Variants in MTRF1 observed in about 807,000 individuals in gnomAD.
MTRF1 encodes mitochondrial translation release factor 1.
MTRF1 carries 51 observed loss-of-function variants against 62.9 expected under a neutral mutation model. That is an observed-to-expected ratio of 0.81 (90% CI 0.65 to 1.02). The LOEUF (loss-of-function observed/expected upper bound fraction) is 1.02. Among genes scored for constraint, MTRF1 ranks in the 50% least tolerant of loss-of-function variants. The pLI is 0.00. For synonymous variants in MTRF1, 158 were observed against 181.9 expected (o/e 0.87, Z 1.06); for missense variants, 446 against 530.0 (o/e 0.84, Z 1.56).
chr13:41,231,434 A>T (rs550501071), intron 7 of MTRF1, among the ~76,000 whole-genome samples: 60 of 152,342 alleles, frequency 3.9e-4, no homozygotes, highest in African/African-American at 1.4e-3. Flanking sequence ...GGGACTAGTT[A>T]TAAGGGAGGG....
chr13:41,226,049 T>C (rs2034368326), intron 8 of MTRF1, among the ~76,000 whole-genome samples: 1 of 152,158 alleles, frequency 6.6e-6, no homozygotes, highest in South Asian at 2.1e-4. Context: ...TGCAGTGCCA[T>C]TTGTATTTGA....
the MTRF1 span, among the ~76,000 whole-genome samples, chr13:41,300,548 T>G: frequency 6.8e-6 from 1 of 147,948 alleles, no homozygotes; most frequent in Non-Finnish European, 1.5e-5. Context: ...ATCCGGCCAC[T>G]GCACTCCAGC....
At chr13:41,296,351 G>A in the MTRF1 span, among the ~76,000 whole-genome samples, 2 of 152,184 alleles carry the variant, frequency 1.3e-5, no homozygotes, top group Non-Finnish European at 2.9e-5. Flanking sequence ...TGGGATTGCT[G>A]TCCTGAGCCA....
chr13:41,273,200 C>T, the MTRF1 span, among the ~76,000 whole-genome samples: 2 of 152,042 alleles, frequency 1.3e-5, no homozygotes, highest in South Asian at 2.1e-4. Context: ...GTGGTGGGCG[C>T]CTGTAGTCCC....
intron 6 of MTRF1, chr13:41,236,534 T>A (rs751711300): frequency 9.2e-5 from 14 of 152,240 alleles, no homozygotes; most frequent in Non-Finnish European, 1.6e-4. Flanking sequence ...AGTAACTGGG[T>A]CAAGGCTGGA....
At chr13:41,235,733 G>C (rs944795127) in intron 6 of MTRF1, 1 of 156,440 alleles carries the variant, frequency 6.4e-6, no homozygotes, top group East Asian at 1.9e-4. Context: ...CCTTGATTTT[G>C]GACTTCTGGC....
In MTRF1 at chr13:41,216,971, G is replaced by A. The variant is rs1196292839; in HGVS notation, c.*144C>T. On this transcript the variant is annotated 3_prime_UTR_variant, in exon 10 of 10. Transcript: ENST00000379480. Reference sequence around the variant, plus strand: ...TTCTTAGGTCAGGAAATGTGACTTCGATTAATTACAAAACATATATTTATG... The same window carrying A: ...TTCTTAGGTCAGGAAATGTGACTTCAATTAATTACAAAACATATATTTATG... 4.5e-5 allele frequency: 21 copies of A among 463,358 alleles called. No individual in the cohort carries two copies. Among genetic ancestry groups the A allele is most frequent in the Non-Finnish European group, 5.7e-5 (15 of 263,508 alleles). The allele number at this position is 463,358 out of a possible 1,614,324, so 28.7% of individuals were successfully genotyped here.
At chr13:41,237,345 A>G (rs958687850) in intron 6 of MTRF1, among the ~76,000 whole-genome samples, 9 of 152,090 alleles carry the variant, frequency 5.9e-5, no homozygotes, top group African/African-American at 2.2e-4. Flanking sequence ...AATGTTTAAT[A>G]TATAAAAATA....
intron 9 of MTRF1, among the ~76,000 whole-genome samples, chr13:41,222,078 T>C (rs2033484540): frequency 6.6e-6 from 1 of 152,146 alleles, no homozygotes; most frequent in Admixed American, 6.5e-5. Flanking sequence ...ATTTCCCTTG[T>C]AAAACTAGGA....
intron 3 of MTRF1, 139 bp from the exon 4 acceptor site, chr13:41,253,169 C>CTA: frequency 1.6e-6 from 1 of 622,154 alleles, no homozygotes; most frequent in Non-Finnish European, 2.8e-6. Flanking sequence ...TCCAAAAATG[C>CTA]TATAATAAGT....
chr13:41,311,696 C>G, the MTRF1 span: 3 of 978,920 alleles, frequency 3.1e-6, no homozygotes, highest in Non-Finnish European at 4.6e-6. Context: ...CTGCCCACCG[C>G]TCTTTGTTTA....
intron 7 of MTRF1, among the ~76,000 whole-genome samples, chr13:41,230,726 CTT>C (rs571291052): frequency 2.8e-5 from 4 of 144,424 alleles, no homozygotes; most frequent in Admixed American, 6.9e-5. Context: ...GATGGTTTCC[CTT>C]TTTTTTTTTT....
the MTRF1 span, chr13:41,311,324 C>A: frequency 7.0e-6 from 4 of 569,940 alleles, no homozygotes; most frequent in Non-Finnish European, 1.2e-5. Context: ...CCAGGGGAAG[C>A]GTGTCCTGCT....
chr13:41,311,294 C>T, the MTRF1 span: 3 of 546,494 alleles, frequency 5.5e-6, no homozygotes, highest in Non-Finnish European at 9.6e-6. Context: ...CCGCCGCCGC[C>T]GCTGGCCAAA....
chr13:41,259,687 GCGAGACTC>G (rs1413233781), intron 2 of MTRF1, among the ~76,000 whole-genome samples: 1 of 26,156 alleles, frequency 3.8e-5, no homozygotes, highest in Non-Finnish European at 9.4e-5. Context: ...GGGCGACAGA[GCGAGACTC>G]CGTCTCAAAA....
chr13:41,229,769 T>C (rs1722991757), intron 7 of MTRF1: 1 of 152,142 alleles, frequency 6.6e-6, no homozygotes, highest in African/African-American at 2.4e-5. Context: ...ATTCAACAAT[T>C]TATGGACTGT....
At chr13:41,225,085 G>A (rs1023807526) in intron 8 of MTRF1, among the ~76,000 whole-genome samples, 2 of 151,778 alleles carry the variant, frequency 1.3e-5, no homozygotes, top group Non-Finnish European at 2.9e-5. Flanking sequence ...GGTGGTGCAT[G>A]TCTGTAATCC....
chr13:41,258,564 A>G (rs2040010161), intron 2 of MTRF1, among the ~76,000 whole-genome samples: 1 of 82,832 alleles, frequency 1.2e-5, no homozygotes, highest in Non-Finnish European at 2.5e-5. Flanking sequence ...ACCATCTCTT[A>G]AAAAAAAAAA....
chr13:41,254,133 C>T (rs532469534), intron 3 of MTRF1, among the ~76,000 whole-genome samples: 9 of 152,158 alleles, frequency 5.9e-5, no homozygotes, highest in South Asian at 2.1e-4. Flanking sequence ...ACTATTTTTA[C>T]ACCTTTGGAT....
Sources: gnomAD v4.1 joint callset for allele counts (sites outside exome capture counted in the v4.1 genomes callset) on GRCh38, gnomAD v4.1.1 for gene constraint, MANE v1.5 for transcripts, NCBI Gene and HGNC (gene_info 2026-07-23, HGNC 2026-07-21) for gene names.